FAM180A: variants seen among roughly 807,000 people sequenced by gnomAD.
FAM180A encodes the protein protein FAM180A.
In FAM180A, 14 loss-of-function variants were observed where a neutral mutation model predicts 15.3. That is an observed-to-expected ratio of 0.92 (90% CI 0.61 to 1.43). FAM180A has a LOEUF of 1.43. FAM180A is among the 40% of genes most tolerant of loss of function. The pLI is 0.00. For synonymous variants in FAM180A, 90 were observed against 96.8 expected, an observed-to-expected ratio of 0.93 and a Z score of 0.41; for missense variants, 200 against 220.8, an observed-to-expected ratio of 0.91 and a Z score of 0.60.
intron 1 of FAM180A, among the ~76,000 whole-genome samples, chr7:135,746,182 T>C (rs1488826632): frequency 3.3e-5 from 5 of 152,236 alleles, no homozygotes; most frequent in East Asian, 1.9e-4. Context: ...GTGAACTCAC[T>C]GTGGAAAGAC....
chr7:135,737,586 CAAAAAAAA>C (rs35378393), intron 1 of FAM180A, among the ~76,000 whole-genome samples: 6 of 82,384 alleles, frequency 7.3e-5, no homozygotes, highest in Non-Finnish European at 1.4e-4. Context: ...GACTCCATGT[CAAAAAAAA>C]AAAAAAAAAA....
At chr7:135,737,284 G>A (rs1196530606) in intron 1 of FAM180A, 85 bp from the exon 2 acceptor site, 1 of 1,137,494 alleles carries the variant, frequency 8.8e-7, no homozygotes, top group Admixed American at 2.9e-5. Flanking sequence ...TAGTCAAGGA[G>A]TCTTAAAAAC....
intron 1 of FAM180A, among the ~76,000 whole-genome samples, chr7:135,747,049 A>G (rs1479970582): frequency 6.6e-6 from 1 of 152,162 alleles, no homozygotes; most frequent in African/African-American, 2.4e-5. Context: ...GCAGTGAACC[A>G]AGATTGCACC....
intron 1 of FAM180A, among the ~76,000 whole-genome samples, chr7:135,743,640 T>C (rs1584753966): frequency 6.6e-6 from 1 of 152,340 alleles, no homozygotes. Flanking sequence ...TATTTAAAAT[T>C]ACAACCCTCT....
intron 1 of FAM180A, 29 bp downstream of exon 1, chr7:135,748,476 A>G: frequency 3.1e-6 from 5 of 1,592,094 alleles, no homozygotes; most frequent in East Asian, 2.2e-5. Context: ...ATGAGCATCA[A>G]ACAAACAAAT....
intron 1 of FAM180A, among the ~76,000 whole-genome samples, chr7:135,745,090 C>A (rs1797011803): frequency 7.7e-6 from 1 of 129,858 alleles, no homozygotes; most frequent in Non-Finnish European, 1.8e-5. Flanking sequence ...CTACACCCAG[C>A]TAATTTTTTT....
chr7:135,743,218 CTTTTT>C (rs10605354), intron 1 of FAM180A, among the ~76,000 whole-genome samples: 36 of 113,148 alleles, frequency 3.2e-4, no homozygotes, highest in African/African-American at 6.2e-4. Context: ...CTCATTGTTC[CTTTTT>C]TTTTTTTTTT....
At chr7:135,740,723 G>A (rs1796933387) in intron 1 of FAM180A, among the ~76,000 whole-genome samples, 1 of 152,080 alleles carries the variant, frequency 6.6e-6, no homozygotes, top group African/African-American at 2.4e-5. Flanking sequence ...AGGAGTGCAG[G>A]CACAAAGAGG....
chr7:135,742,861 G>A (rs1796971732), intron 1 of FAM180A, among the ~76,000 whole-genome samples: 1 of 152,190 alleles, frequency 6.6e-6, no homozygotes, highest in South Asian at 2.1e-4. Flanking sequence ...GAAACTTGGA[G>A]GTTAAGAAAA....
intron 1 of FAM180A, among the ~76,000 whole-genome samples, chr7:135,743,499 G>A (rs1479232627): frequency 6.6e-6 from 1 of 152,144 alleles, no homozygotes; most frequent in Non-Finnish European, 1.5e-5. Flanking sequence ...TTACAGGTGT[G>A]AGTCACTGCG....
chr7:135,743,065 G>C (rs1257300355), intron 1 of FAM180A, among the ~76,000 whole-genome samples: 1 of 152,172 alleles, frequency 6.6e-6, no homozygotes, highest in Non-Finnish European at 1.5e-5. Flanking sequence ...ATGAATGAAT[G>C]CCTATGCATT....
At chr7:135,746,029 CA>C (rs1169359147) in intron 1 of FAM180A, among the ~76,000 whole-genome samples, 3 of 151,488 alleles carry the variant, frequency 2.0e-5, no homozygotes, top group Non-Finnish European at 4.4e-5. Flanking sequence ...AAAAAAAAAT[CA>C]ACTACGCGGA....
intron 1 of FAM180A, among the ~76,000 whole-genome samples, chr7:135,744,659 A>G (rs1797003545): frequency 6.6e-6 from 1 of 152,156 alleles, no homozygotes; most frequent in African/African-American, 2.4e-5. Flanking sequence ...TGAGTGGCCC[A>G]TGGGGGATGG....
chr7:135,732,573 G>A (rs1259319801), intron 3 of FAM180A, among the ~76,000 whole-genome samples: 3 of 151,962 alleles, frequency 2.0e-5, no homozygotes, highest in African/African-American at 7.3e-5. Flanking sequence ...CGCGCCTATA[G>A]TCCCAGCTAC....
intron 1 of FAM180A, among the ~76,000 whole-genome samples, chr7:135,748,065 G>T (rs1454901503): frequency 6.6e-6 from 1 of 152,296 alleles, no homozygotes; most frequent in Middle Eastern, 3.4e-3. Context: ...AGGAGGCAAC[G>T]TTCTGCAGAG....
rs564343127 is a variant in FAM180A, at chr7:135,736,870, A to G, written c.177+229T>C. On this transcript the variant is annotated intron_variant, in intron 2 of 3. Coordinates refer to ENST00000338588, the MANE Select transcript of FAM180A (RefSeq NM_205855.4). ...TAATCTTTAGTTTAAACTGAACTGA[A>G]CTCCTAATGCCATCATTGTCTGTTA... Among the ~76,000 whole-genome samples the G allele has an allele frequency of 8.5e-4, 130 of 152,198 alleles. 1 individual carries two copies. The highest frequency in any genetic ancestry group is 2.8e-3 in the African/African-American group (116 of 41,516).
At chr7:135,737,058 C>A in intron 2 of FAM180A, 41 bp downstream of exon 2, 1 of 1,502,300 alleles carries the variant, frequency 6.7e-7, no homozygotes, top group Non-Finnish European at 9.2e-7. Context: ...AGTGCAGAGT[C>A]TTTTGGGTGA....
chr7:135,741,563 C>G (rs1327423967), intron 1 of FAM180A, among the ~76,000 whole-genome samples: 2 of 151,330 alleles, frequency 1.3e-5, no homozygotes, highest in African/African-American at 4.9e-5. Flanking sequence ...GCAGCTCACA[C>G]TTATAATCTC....
intron 1 of FAM180A, among the ~76,000 whole-genome samples, chr7:135,747,889 G>A (rs1194886878): frequency 1.3e-5 from 2 of 152,198 alleles, no homozygotes; most frequent in Non-Finnish European, 2.9e-5. Flanking sequence ...ATCCAGCTAG[G>A]AGGAACTACA....
Sources: allele counts gnomAD v4.1 joint callset (sites outside exome capture counted in the v4.1 genomes callset), GRCh38; gene constraint gnomAD v4.1.1; transcripts MANE v1.5; gene names NCBI Gene and HGNC (gene_info 2026-07-23, HGNC 2026-07-21).